PDE4C: variants seen among roughly 807,000 people sequenced by gnomAD.
PDE4C encodes the protein 3',5'-cyclic-AMP phosphodiesterase 4C.
A neutral mutation model predicts 63.9 loss-of-function variants in PDE4C; 50 were observed. The ratio of observed to expected loss-of-function variants is 0.78; its 90% CI spans 0.62 to 0.99. The LOEUF is 0.99. Ranked by LOEUF, PDE4C falls within the 50% of genes least tolerant of loss-of-function variation. The pLI is 0.00. For missense variants in PDE4C, 777 were observed against 899.1 expected, an observed-to-expected ratio of 0.86 and a Z score of 1.74; for synonymous variants, 377 against 385.1, an observed-to-expected ratio of 0.98 and a Z score of 0.25.
At chr19:18,218,561 A>G (rs947982902) in intron 9 of PDE4C, 63 bp from the exon 10 acceptor site, 11 of 1,579,474 alleles carry the variant, frequency 7.0e-6, no homozygotes, top group Non-Finnish European at 9.5e-6. Flanking sequence ...CGCTGTTCCT[A>G]CCCCTCTCTT....
downstream of PDE4C, chr19:18,208,380 G>A (rs1453826254): frequency 6.6e-6 from 1 of 152,316 alleles, no homozygotes; most frequent in African/African-American, 2.4e-5. Context: ...GTGCTGCCCA[G>A]TCCGCTCGGA....
In PDE4C at chr19:18,211,258, T is replaced by C. The variant is rs567462984; in HGVS notation, c.1714A>G (p.Ile572Val). 5.0e-6 allele frequency: 8 copies of C among 1,589,534 alleles called. No individual in the cohort carries two copies. In the South Asian group the frequency reaches 9.1e-5, roughly 18 times the overall value. ...CAAGTCTCCCACAGTGGGTGAGCAA[T>C]GTAGTCAATGAAACCCACCTGTGGC... Residue 572 changes from isoleucine (I) to valine (V), a missense_variant, in exon 15 of 15, where the codon ATT (isoleucine) becomes GTT (valine). This residue lies in a region of PDE4C where 500 missense variants were observed against 597.8 expected (regional missense o/e 0.84). Coordinates refer to ENST00000262805, the Ensembl canonical transcript of PDE4C.
rs774776753 is a variant in PDE4C, at chr19:18,220,435, G to A, written c.580C>T (p.Arg194Trp). The change falls in exon 6 of 15, where the codon CGG becomes TGG. Residue 194 changes from arginine (R) to tryptophan (W), a missense_variant. By Grantham distance (101) the Arg-to-Trp change is moderately radical. Coordinates refer to ENST00000262805, the Ensembl canonical transcript of PDE4C. The surrounding 1 kb of genome is among the most constrained non-coding windows in gnomAD (Gnocchi z 5.1). The stretch of plus-strand genomic sequence containing the variant: ...GAGGCCATCTCCCCCACCGAGTGCC[G>A]GGTCTGCAGCGTCTCCAACTGATCC... 1 of 1,614,126 alleles carries A rather than the reference G, an allele frequency of 6.2e-7. No homozygotes were observed. The highest frequency in any genetic ancestry group is 8.5e-7 in the Non-Finnish European group (1 of 1,180,002).
At position 18,220,424 on chromosome 19, in the gene PDE4C, C is replaced by G. The variant is rs1191266795; in HGVS notation, c.591G>C (p.Val197=). ...TCACCTTGTTGGAGGCCATCTCCCC[C>G]ACCGAGTGCCGGGTCTGCAGCGTCT... The change falls in exon 6 of 15, where the codon GTG becomes GTC. Residue 197 remains valine, a synonymous_variant. Coordinates refer to ENST00000262805, the Ensembl canonical transcript of PDE4C. The surrounding 1 kb of genome is among the most constrained non-coding windows in gnomAD (Gnocchi z 5.1). The G allele has an allele frequency of 6.2e-7, 1 of 1,614,080 alleles. No individual in the cohort carries two copies. The highest frequency in any genetic ancestry group is 2.2e-5 in the East Asian group (1 of 44,902).
upstream of PDE4C, among the ~76,000 whole-genome samples, chr19:18,237,443 C>T (rs1365496247): frequency 6.6e-6 from 1 of 151,972 alleles, no homozygotes; most frequent in Non-Finnish European, 1.5e-5. Flanking sequence ...TCCAGCTACT[C>T]GGGAGGCTGA....
exon 1 of PDE4C, chr19:18,233,072 G>C (rs773180505): frequency 1.9e-6 from 3 of 1,570,894 alleles, no homozygotes; most frequent in African/African-American, 1.4e-5. Context: ...GTTGGATGCG[G>C]ATGGGGCGCC....
rs1454568328 is a variant in PDE4C at position 18,223,969 on chromosome 19, C to G, written c.147-1646G>C. 2.0e-5 allele frequency among the ~76,000 whole-genome samples: 3 copies of G among 152,350 alleles called. No individual in the cohort carries two copies. The South Asian group carries it at 6.2e-4, about 32-fold the overall frequency. On this transcript the variant is annotated intron_variant, in intron 1 of 14. Transcript: ENST00000262805. ...CCATAAGGCTCCGCCCCACGGCCGCCGACCACGCCCCCAGCTAGCCGGGTC... is the reference window on the plus strand; with the variant it reads ...CCATAAGGCTCCGCCCCACGGCCGCGGACCACGCCCCCAGCTAGCCGGGTC...
chr19:18,233,930 C>T (rs989855027), upstream of PDE4C, among the ~76,000 whole-genome samples: 2 of 152,198 alleles, frequency 1.3e-5, no homozygotes, highest in African/African-American at 2.4e-5. Flanking sequence ...AGGTAGGCTC[C>T]GCGGTTCAGC....
At chr19:18,224,224 A>G in intron 1 of PDE4C, 1 of 985,470 alleles carries the variant, frequency 1.0e-6, no homozygotes, top group Non-Finnish European at 1.2e-6. Flanking sequence ...GGCGCTAGAG[A>G]AGGCGGTGAC....
rs1415593427 is a variant in PDE4C, at chr19:18,218,325, G to T, written c.1134+9C>A. 2 of 1,614,052 alleles carry T rather than the reference G, an allele frequency of 1.2e-6. No homozygotes were observed. The highest frequency in any genetic ancestry group is 1.7e-6 in the Non-Finnish European group (2 of 1,180,010). ...ACCCGCCCACCTGCCTGCAGTCATGGCGCAGTACCTCGAGGGCGGGCGTAG... is the reference window on the plus strand; with the variant it reads ...ACCCGCCCACCTGCCTGCAGTCATGTCGCAGTACCTCGAGGGCGGGCGTAG... On this transcript the variant is annotated intron_variant, in intron 10 of 14. Coordinates refer to ENST00000262805, the Ensembl canonical transcript of PDE4C.
chr19:18,247,349 GC>G (rs1969150339), intron 1 of PDE4C, among the ~76,000 whole-genome samples: 1 of 152,072 alleles, frequency 6.6e-6, no homozygotes, highest in African/African-American at 2.4e-5. Flanking sequence ...AGGCTGGAGT[GC>G]AGTGGCGTGA....
chr19:18,237,629 T>G (rs1394494249), upstream of PDE4C, among the ~76,000 whole-genome samples: 1 of 151,306 alleles, frequency 6.6e-6, no homozygotes, highest in African/African-American at 2.4e-5. Flanking sequence ...TCCCAGCACT[T>G]TGGGAGGCTG....
upstream of PDE4C, among the ~76,000 whole-genome samples, chr19:18,248,916 T>C (rs1048646285): frequency 5.3e-5 from 8 of 151,618 alleles, no homozygotes; most frequent in Admixed American, 3.3e-4. Flanking sequence ...TCCCAGCTAC[T>C]TGGGAGGCTG....
intron 1 of PDE4C, chr19:18,224,404 C>A (rs1247785547): frequency 1.0e-6 from 1 of 985,436 alleles, no homozygotes; most frequent in African/African-American, 1.7e-5. Flanking sequence ...GTCGGCACCC[C>A]GCGTAGGCTC....
chr19:18,232,044 G>A (rs1486034107), intron 1 of PDE4C, among the ~76,000 whole-genome samples: 1 of 152,082 alleles, frequency 6.6e-6, no homozygotes, highest in Non-Finnish European at 1.5e-5. Context: ...ACTGGAGGCA[G>A]CCTGCCCTGG....
intron 12 of PDE4C, among the ~76,000 whole-genome samples, chr19:18,215,621 TCTC>T (rs1018976888): frequency 6.6e-6 from 1 of 151,782 alleles, no homozygotes; most frequent in African/African-American, 2.4e-5. Flanking sequence ...TTCAAATGAT[TCTC>T]CTGACTCAGC....
upstream of PDE4C, among the ~76,000 whole-genome samples, chr19:18,230,967 G>A (rs1411304491): frequency 1.3e-5 from 2 of 152,240 alleles, no homozygotes; most frequent in Admixed American, 6.5e-5. Context: ...ATCTGGGGCT[G>A]TGGGGAAGCA....
intron 7 of PDE4C, 62 bp from the exon 8 acceptor site, chr19:18,219,459 G>A: frequency 1.3e-6 from 2 of 1,509,090 alleles, no homozygotes; most frequent in Non-Finnish European, 1.8e-6. Context: ...CCTGGCCTCA[G>A]GACCTGAATT....
chr19:18,224,641 G>T, intron 1 of PDE4C: 1 of 446,016 alleles, frequency 2.2e-6, no homozygotes, highest in Non-Finnish European at 3.0e-6. Context: ...GGTGACGCTC[G>T]GGCCGGGTCG....
Sources: gnomAD v4.1 joint callset for allele counts (sites outside exome capture counted in the v4.1 genomes callset) on GRCh38, gnomAD v4.1.1 for gene constraint, gnomAD v4.1.1 regional missense constraint, Gnocchi (gnomAD v3.1) non-coding constraint, MANE v1.5 for transcripts, NCBI Gene and HGNC (gene_info 2026-07-23, HGNC 2026-07-21) for gene names.